Variants in SYNJ1 observed in about 807,000 individuals in gnomAD.
SYNJ1 encodes the protein polyphosphatidylinositol phosphatase SYNJ1.
SYNJ1 carries 78 observed loss-of-function variants against 168.2 expected under a neutral mutation model. The ratio of observed to expected loss-of-function variants is 0.46; its 90% CI spans 0.39 to 0.56. SYNJ1 has a LOEUF of 0.56. SYNJ1 is among the 20% of genes least tolerant of loss of function. The pLI is 0.00. For synonymous variants in SYNJ1, 539 were observed against 548.6 expected (o/e 0.98, Z 0.24); for missense variants, 1,303 against 1,597.6 (o/e 0.82, Z 3.14).
At chr21:32,660,044 T>C (rs938842449) in intron 18 of SYNJ1, among the ~76,000 whole-genome samples, 3 of 152,200 alleles carry the variant, frequency 2.0e-5, no homozygotes, top group East Asian at 1.9e-4. Context: ...GAAAAACTTA[T>C]GTTGGCCCCA....
At chr21:32,652,113 AC>A (rs1318076510) in intron 22 of SYNJ1, among the ~76,000 whole-genome samples, 2 of 152,210 alleles carry the variant, frequency 1.3e-5, no homozygotes, top group Non-Finnish European at 2.9e-5. Flanking sequence ...GTTTCCTGAT[AC>A]ATGATTTTAC....
intron 2 of SYNJ1, among the ~76,000 whole-genome samples, chr21:32,708,732 A>G (rs764988519): frequency 2.0e-5 from 3 of 150,454 alleles, no homozygotes; most frequent in African/African-American, 7.3e-5. Context: ...ACTCAACACC[A>G]TCTTTCATTC....
rs2041508365 is a variant in SYNJ1, at chr21:32,678,680, T to C, written c.1475A>G (p.Lys492Arg). 1.2e-6 allele frequency: 2 copies of C among 1,610,626 alleles called. No homozygotes were observed. The highest frequency in any genetic ancestry group is 1.7e-6 in the Non-Finnish European group (2 of 1,179,056). The stretch of plus-strand genomic sequence containing the variant: ...TCCAGTAGTTAAAAGTGCTCGAGCT[T>C]TGTCAGCTAAATCACTATTCAGAGT... ...GNTLNSDLADKARALLTTGSL... is the reference protein window; with the variant it reads ...GNTLNSDLADRARALLTTGSL... Residue 492 changes from lysine (K) to arginine (R), a missense_variant, in exon 12 of 33, where the codon AAA (lysine) becomes AGA (arginine). Physicochemically the swap from Lys to Arg is conservative, Grantham distance 26 (BLOSUM62 2). This residue lies in a region of SYNJ1 where 920 missense variants were observed against 1,208.8 expected (regional missense o/e 0.76). Transcript: ENST00000674351.
At chr21:32,641,555 G>A (rs1166377640) in intron 29 of SYNJ1, among the ~76,000 whole-genome samples, 1 of 151,796 alleles carries the variant, frequency 6.6e-6, no homozygotes, top group Non-Finnish European at 1.5e-5. Flanking sequence ...CCTTTTTAAT[G>A]AAGGATTACT....
intron 2 of SYNJ1, among the ~76,000 whole-genome samples, chr21:32,710,266 A>G (rs1212287953): frequency 1.3e-5 from 2 of 152,170 alleles, no homozygotes; most frequent in African/African-American, 4.8e-5. Context: ...GTAGAAATAT[A>G]GAAAAACAAA....
At chr21:32,662,693 G>A (rs2145898509) in intron 18 of SYNJ1, among the ~76,000 whole-genome samples, 1 of 152,140 alleles carries the variant, frequency 6.6e-6, no homozygotes, top group East Asian at 1.9e-4. Flanking sequence ...AAGGCTATAT[G>A]ACCAAAAATA....
At chr21:32,671,590 CCCTTT>C (rs2041189836) in intron 14 of SYNJ1, among the ~76,000 whole-genome samples, 1 of 152,156 alleles carries the variant, frequency 6.6e-6, no homozygotes, top group Admixed American at 6.5e-5. Flanking sequence ...CAGGTTCCTT[CCCTTT>C]CAATGTCTCA....
At chr21:32,675,921 C>T (rs1227997892) in intron 13 of SYNJ1, among the ~76,000 whole-genome samples, 3 of 152,140 alleles carry the variant, frequency 2.0e-5, no homozygotes, top group African/African-American at 7.2e-5. Context: ...ATGTGAGAAA[C>T]ACTGTTTAGT....
intron 8 of SYNJ1, among the ~76,000 whole-genome samples, chr21:32,686,711 G>A (rs920702940): frequency 3.9e-5 from 6 of 152,142 alleles, no homozygotes; most frequent in African/African-American, 1.4e-4. Context: ...GGCAAGGAGG[G>A]TATTTTTCTG....
chr21:32,650,178 A>G lies in SYNJ1; in HGVS notation c.3037+6T>C, dbSNP rs1231116333. Reference sequence around the variant, plus strand: ...TACAAGAAGTAAATGTGTTTAAGAAACAAACCTTCCATATCAAAATCTGCT... The same window carrying G: ...TACAAGAAGTAAATGTGTTTAAGAAGCAAACCTTCCATATCAAAATCTGCT... On this transcript the variant is annotated splice_donor_region_variant and intron_variant, in intron 23 of 32. Transcript: ENST00000674351. 2 of 1,596,576 alleles carry G rather than the reference A, an allele frequency of 1.3e-6. No individual in the cohort carries two copies. The highest frequency in any genetic ancestry group is 1.7e-6 in the Non-Finnish European group (2 of 1,174,816).
intron 2 of SYNJ1, among the ~76,000 whole-genome samples, chr21:32,726,193 T>G (rs1164417570): frequency 6.6e-6 from 1 of 152,258 alleles, no homozygotes; most frequent in Non-Finnish European, 1.5e-5. Context: ...TTCATCCATC[T>G]GCCCCTAAAA....
intron 2 of SYNJ1, among the ~76,000 whole-genome samples, chr21:32,724,885 AT>A (rs35879689): frequency 2.0e-5 from 3 of 152,192 alleles, no homozygotes; most frequent in East Asian, 1.9e-4. Flanking sequence ...ATATTCCAAC[AT>A]TTTTTTTCTG....
intron 13 of SYNJ1, among the ~76,000 whole-genome samples, chr21:32,675,006 T>C (rs1023035162): frequency 3.3e-5 from 5 of 152,178 alleles, no homozygotes; most frequent in Non-Finnish European, 5.9e-5. Flanking sequence ...TTTGATTGCT[T>C]GTATAGAGGT....
Position 32,653,374 on chromosome 21 carries a change from A to G in SYNJ1, c.2796-8T>C. On this transcript the variant is annotated splice_region_variant and splice_polypyrimidine_tract_variant and intron_variant, in intron 21 of 32. Transcript: ENST00000674351. ...ATTTTATCTTCTACAAATCTTTAAG[A>G]AAAACAATAAAAAACCATAATTAAT... is the stretch of plus-strand genomic sequence containing the variant. 2 of 1,581,670 alleles carry G rather than the reference A, an allele frequency of 1.3e-6. No homozygotes were observed. The highest frequency in any genetic ancestry group is 1.7e-6 in the Non-Finnish European group (2 of 1,150,686).
rs2041858198 is a variant in SYNJ1 at position 32,687,008 on chromosome 21, T to C, written c.918A>G (p.Glu306=). The change falls in exon 8 of 33, where the codon GAA becomes GAG. Residue 306 remains glutamate (E), a synonymous_variant. Transcript: ENST00000674351. ...AAGCTTTACTTAGCATATGTTCACC[T>C]TCCTTAGATCCAAGCAAATTTACTA... is the stretch of plus-strand genomic sequence containing the variant. ...QIIVNLLGSK[E]GEHMLSKAFQ... 16 of 1,552,256 alleles carry C rather than the reference T, an allele frequency of 1.0e-5. No homozygotes were observed. Among genetic ancestry groups the C allele is most frequent in the Non-Finnish European group, 1.4e-5 (16 of 1,154,848 alleles).
intron 12 of SYNJ1, 114 bp from the exon 13 acceptor site, chr21:32,676,469 G>T: frequency 1.0e-6 from 1 of 963,930 alleles, no homozygotes; most frequent in South Asian, 1.6e-5. Context: ...TCAATTTGAT[G>T]ACTTTATTTT....
At chr21:32,667,710 A>G (rs368271164) in intron 15 of SYNJ1, among the ~76,000 whole-genome samples, 3 of 152,054 alleles carry the variant, frequency 2.0e-5, no homozygotes, top group East Asian at 1.9e-4. Flanking sequence ...GCTGAAACTC[A>G]TTCCTCATCT....
chr21:32,727,756 C>G, intron 1 of SYNJ1, 190 bp downstream of exon 1: 2 of 1,272,540 alleles, frequency 1.6e-6, no homozygotes, highest in African/African-American at 1.6e-5. Context: ...CCCAGCCTGA[C>G]GCGGCACCCC....
chr21:32,693,908 C>T (rs564870238), intron 6 of SYNJ1, among the ~76,000 whole-genome samples: 14 of 152,074 alleles, frequency 9.2e-5, no homozygotes, highest in Non-Finnish European at 1.9e-4. Context: ...CCTAAAGAGA[C>T]TAAATCATTA....
Sources: gnomAD v4.1 joint callset for allele counts (sites outside exome capture counted in the v4.1 genomes callset) on GRCh38, gnomAD v4.1.1 for gene constraint, gnomAD v4.1.1 regional missense constraint, MANE v1.5 for transcripts, NCBI Gene and HGNC (gene_info 2026-07-23, HGNC 2026-07-21) for gene names.